The following MSX1 variants were observed in gnomAD, a reference collection of about 807,000 sequenced individuals.
The protein encoded by MSX1 is homeobox protein MSX-1.
A neutral mutation model predicts 17.0 loss-of-function variants in MSX1; 11 were observed. The ratio of observed to expected loss-of-function variants is 0.65; its 90% CI spans 0.41 to 1.07. MSX1 has a LOEUF of 1.07. Ranked by LOEUF, MSX1 falls within the 50% of genes least tolerant of loss-of-function variation. The pLI is 0.00. For missense variants in MSX1, 477 were observed against 440.1 expected (o/e 1.08, Z -0.75); for synonymous variants, 253 against 211.8 (o/e 1.19, Z -1.69).
chr4:4,860,508 T>C, intron 1 of MSX1, 140 bp downstream of exon 1: 1 of 1,066,494 alleles, frequency 9.4e-7, no homozygotes, highest in Non-Finnish European at 1.4e-6. Context: ...CAAGGCCGGG[T>C]CTTGCGCCTC....
intron 1 of MSX1, among the ~76,000 whole-genome samples, chr4:4,862,046 A>G (rs1737928947): frequency 6.6e-6 from 1 of 152,144 alleles, no homozygotes; most frequent in Non-Finnish European, 1.5e-5. Flanking sequence ...TCCAGATGAC[A>G]CTTTCTGTTT....
At chr4:4,861,705 A>T (rs188406751) in intron 1 of MSX1, among the ~76,000 whole-genome samples, 14 of 152,320 alleles carry the variant, frequency 9.2e-5, no homozygotes, top group Admixed American at 3.3e-4. Flanking sequence ...TCCACATTTT[A>T]TCCGGGGGCA....
rs104893854 is a variant in MSX1 at position 4,860,357 on chromosome 4, C to G, written c.458C>G (p.Pro153Arg). 6.2e-7 allele frequency: 1 copy of G among 1,603,698 alleles called. No individual in the cohort carries two copies. The highest frequency in any genetic ancestry group is 1.1e-5 in the South Asian group (1 of 90,930). ...TPWMQSPRFSPPPARRLSPPA... is the reference protein window; with the variant it reads ...TPWMQSPRFSRPPARRLSPPA... ...TGGATGCAGAGCCCCCGCTTCTCCC[C>G]GCCGCCGGCCAGTGAGTAGCCAGAA... The change falls in exon 1 of 2, where the codon CCG (proline) becomes CGG (arginine). Residue 153 changes from proline (P) to arginine (R), a missense_variant. Pro to Arg is a moderately radical substitution (Grantham distance 103, BLOSUM62 -2). This residue lies in a region of MSX1 where 355 missense variants were observed against 306.1 expected (regional missense o/e 1.16). Transcript: ENST00000382723.
rs1737863771 is a variant in MSX1, at chr4:4,859,852, G to A, written c.-48G>A. On this transcript the variant is annotated 5_prime_UTR_variant, in exon 1 of 2. It removes an upstream start codon present in the reference 5' UTR. Transcript: ENST00000382723. Reference sequence around the variant, plus strand: ...CGCTCCCAGCCCGCCCGGAGCCCATGCCCGGCGGCTGGCCAGTGCTGCGGC... The same window carrying A: ...CGCTCCCAGCCCGCCCGGAGCCCATACCCGGCGGCTGGCCAGTGCTGCGGC... The A allele has an allele frequency of 1.4e-6, 2 of 1,417,762 alleles. No individual in the cohort carries two copies. The highest frequency in any genetic ancestry group is 9.2e-7 in the Non-Finnish European group (1 of 1,082,054). 87.8% of individuals were successfully genotyped at this position (1,417,762 alleles called of 1,614,324 possible). A position where few individuals can be genotyped will look rare whatever the true frequency, so the allele number is the denominator to read the frequency against.
rs780361088 is a variant in MSX1, at chr4:4,862,873, G to A, written c.642G>A (p.Thr214=). The A allele has an allele frequency of 6.2e-7, 1 of 1,613,772 alleles. No individual in the cohort carries two copies. Among genetic ancestry groups the A allele is most frequent in the Non-Finnish European group, 8.5e-7 (1 of 1,180,036 alleles). ...EFSSSLSLTE[T]QVKIWFQNRR... ...CCAGCTCGCTCAGCCTCACTGAGAC[G>A]CAGGTGAAGATATGGTTCCAGAACC... Residue 214 remains threonine, a synonymous_variant, in exon 2 of 2, where the codon ACG becomes ACA. Transcript: ENST00000382723.
chr4:4,862,631 A>G (rs747162637), intron 1 of MSX1, 70 bp from the exon 2 acceptor site: 7 of 1,556,748 alleles, frequency 4.5e-6, no homozygotes, highest in Non-Finnish European at 5.3e-6. Context: ...TATTATTACT[A>G]CTTCTTGGGC....
Position 4,863,053 on chromosome 4 carries a change from C to T in MSX1, c.822C>T (p.Ala274=). ...CGGCGGGTGCCTCGCTCTACGGTGC[C>T]TCTGGCCCCTTCCAGCGCGCCGCGC... ...AAAAGASLYG[A]SGPFQRAALP... Residue 274 remains alanine, a synonymous_variant, in exon 2 of 2, where the codon GCC becomes GCT. Coordinates refer to ENST00000382723, the MANE Select transcript of MSX1 (RefSeq NM_002448.3). 1.2e-6 allele frequency: 2 copies of T among 1,609,158 alleles called. No individual in the cohort carries two copies. Among genetic ancestry groups the T allele is most frequent in the African/African-American group, 1.3e-5 (1 of 74,926 alleles).
Position 4,862,710 on chromosome 4 carries a change from GC to G in MSX1, c.485del (p.Pro162GlnfsTer55), listed in dbSNP as rs762477502. On this transcript the variant is annotated frameshift_variant, in exon 2 of 2. Coordinates refer to ENST00000382723, the MANE Select transcript of MSX1 (RefSeq NM_002448.3). LOFTEE classifies it high-confidence loss of function. ...TTCTTTCGGCCCTCAGGGCGGCTGA[GC>G]CCCCCAGCCTGCACCCTCCGCAAAC... ...RFSPPPARRL[S>X]PPACTLRKHK... 1 of 1,612,618 alleles carries G rather than the reference GC, an allele frequency of 6.2e-7. No individual in the cohort carries two copies. Among genetic ancestry groups the G allele is most frequent in the Non-Finnish European group, 8.5e-7 (1 of 1,179,986 alleles).
At position 4,863,222 on chromosome 4, in the gene MSX1, G is replaced by A. The variant is rs1015129002; in HGVS notation, c.*79G>A. 4.2e-6 allele frequency: 6 copies of A among 1,428,958 alleles called. No homozygotes were observed. The highest frequency in any genetic ancestry group is 4.0e-5 in the Admixed American group (2 of 50,282). 88.5% of individuals were successfully genotyped at this position (1,428,958 alleles called of 1,614,324 possible). ...GTACCCCCGACGTGCTCCCCTGCTCGGCACCGCCAGCCGCCTTCCCTTTAA... is the reference window on the plus strand; with the variant it reads ...GTACCCCCGACGTGCTCCCCTGCTCAGCACCGCCAGCCGCCTTCCCTTTAA... On this transcript the variant is annotated 3_prime_UTR_variant, in exon 2 of 2. Transcript: ENST00000382723.
rs1416790026 is a variant in MSX1 at position 4,863,008 on chromosome 4, C to T, written c.777C>T (p.Gly259=). 6.2e-7 allele frequency: 1 copy of T among 1,612,254 alleles called. No homozygotes were observed. The highest frequency in any genetic ancestry group is 1.7e-5 in the Admixed American group (1 of 59,974). The part of the protein sequence containing the change: ...AAFGLSFPLG[G]PAAVAAAAGA... ...TCGGCCTCTCCTTCCCTCTCGGCGG[C>T]CCCGCAGCTGTAGCGGCCGCGGCGG... Residue 259 remains glycine (G), a synonymous_variant, in exon 2 of 2, where the codon GGC becomes GGT. Transcript: ENST00000382723.
rs1345948750 is a variant in MSX1, at chr4:4,863,137, G to T, written c.906G>T (p.Leu302=). ...ATGTGGGCTACAGCATGTACCACCTGACATAGAGGGTCCCAGGTCGCCCAC... is the reference window on the plus strand; with the variant it reads ...ATGTGGGCTACAGCATGTACCACCTTACATAGAGGGTCCCAGGTCGCCCAC... ...TAHVGYSMYH[L]T Residue 302 remains leucine (L), a synonymous_variant, in exon 2 of 2, where the codon CTG becomes CTT. Transcript: ENST00000382723. The T allele has an allele frequency of 3.7e-6, 6 of 1,602,958 alleles. No homozygotes were observed. The East Asian group carries it at 1.3e-4, about 36-fold the overall frequency.
rs574541297 is a variant in MSX1 at position 4,859,820 on chromosome 4, C to T, written c.-80C>T. 348 of 1,272,000 alleles carry T rather than the reference C, an allele frequency of 2.7e-4. 1 individual carries two copies. The African/African-American group carries it at 5.2e-3, about 19-fold the overall frequency. The allele number at this position is 1,272,000 out of a possible 1,614,324, so 78.8% of individuals were successfully genotyped here. A position where few individuals can be genotyped will look rare whatever the true frequency, so the allele number is the denominator to read the frequency against. On this transcript the variant is annotated 5_prime_UTR_variant, in exon 1 of 2. Transcript: ENST00000382723. ...CCAGGGCCCCGGGCGCTCGCAGAGG[C>T]CGGCCGCGCTCCCAGCCCGCCCGGA...
At chr4:4,862,358 C>A (rs531306581) in intron 1 of MSX1, 2 of 472,842 alleles carry the variant, frequency 4.2e-6, no homozygotes, top group Middle Eastern at 3.1e-4. Flanking sequence ...GGAGGAGGCC[C>A]GCCATGAAGG....
chr4:4,862,562 C>T, intron 1 of MSX1, 139 bp from the exon 2 acceptor site: 1 of 1,004,366 alleles, frequency 1.0e-6, no homozygotes, highest in Non-Finnish European at 1.6e-6. Context: ...TTTCAAGTGC[C>T]TTGCGCGATG....
rs776537506 is a variant in MSX1 at position 4,860,313 on chromosome 4, G to A, written c.414G>A (p.Glu138=). 6.2e-7 allele frequency: 1 copy of A among 1,603,626 alleles called. No homozygotes were observed. The highest frequency in any genetic ancestry group is 1.1e-5 in the South Asian group (1 of 91,028). ...CGCTCGTCAAAGCCGAGAGCCCCGAGAAGCCCGAGAGGACCCCGTGGATGC... is the reference window on the plus strand; with the variant it reads ...CGCTCGTCAAAGCCGAGAGCCCCGAAAAGCCCGAGAGGACCCCGTGGATGC... ...EDALVKAESP[E]KPERTPWMQS... Residue 138 remains glutamate, a synonymous_variant, in exon 1 of 2, where the codon GAG becomes GAA. Transcript: ENST00000382723.
rs1737880531 is a variant in MSX1, at chr4:4,860,232, G to A, written c.333G>A (p.Ser111=). ...TGGGAGCCCCGGACGCGCCCTCTTCGCCGCGGCCGCTCGGCCATTTCTCGG... is the reference window on the plus strand; with the variant it reads ...TGGGAGCCCCGGACGCGCCCTCTTCACCGCGGCCGCTCGGCCATTTCTCGG... ...GSLGAPDAPS[S]PRPLGHFSVG... The change falls in exon 1 of 2, where the codon TCG becomes TCA. Residue 111 remains serine (S), a synonymous_variant. Transcript: ENST00000382723. 1 of 1,575,572 alleles carries A rather than the reference G, an allele frequency of 6.3e-7. No homozygotes were observed. Among genetic ancestry groups the A allele is most frequent in the African/African-American group, 1.4e-5 (1 of 73,016 alleles).
chr4:4,860,052 G>C lies in MSX1; in HGVS notation c.153G>C (p.Lys51Asn). The stretch of plus-strand genomic sequence containing the variant: ...TGGGCGCGGACGAGGAGGGGGCCAA[G>C]CCCAAAGTGTCCCCTTCGCTCCTGC... ...AAMGADEEGAKPKVSPSLLPF... is the reference protein window; with the variant it reads ...AAMGADEEGANPKVSPSLLPF... Residue 51 changes from lysine (K) to asparagine (N), a missense_variant, in exon 1 of 2, where the codon AAG (lysine) becomes AAC (asparagine). Lys to Asn is a moderately conservative substitution (Grantham distance 94). Transcript: ENST00000382723. 1 of 1,518,162 alleles carries C rather than the reference G, an allele frequency of 6.6e-7. No individual in the cohort carries two copies. The highest frequency in any genetic ancestry group is 8.8e-7 in the Non-Finnish European group (1 of 1,134,366). The allele number at this position is 1,518,162 out of a possible 1,614,324, so 94.0% of individuals were successfully genotyped here.
At position 4,859,886 on chromosome 4, in the gene MSX1, G is replaced by C. The variant is rs1737864782; in HGVS notation, c.-14G>C. On this transcript the variant is annotated 5_prime_UTR_variant, in exon 1 of 2. Transcript: ENST00000382723. ...CTGGCCAGTGCTGCGGCAGAAGGGGGGGCCCGGCTCTGCATGGCCCCGGCT... is the reference window on the plus strand; with the variant it reads ...CTGGCCAGTGCTGCGGCAGAAGGGGCGGCCCGGCTCTGCATGGCCCCGGCT... The C allele has an allele frequency of 1.4e-6, 2 of 1,477,848 alleles. No individual in the cohort carries two copies. Among genetic ancestry groups the C allele is most frequent in the Non-Finnish European group, 1.8e-6 (2 of 1,113,418 alleles). The allele number at this position is 1,477,848 out of a possible 1,614,324, so 91.5% of individuals were successfully genotyped here.
In MSX1 at chr4:4,863,801, A is replaced by G. The variant is rs981224337; in HGVS notation, c.*658A>G. 2.6e-5 allele frequency: 4 copies of G among 152,158 alleles called. No individual in the cohort carries two copies. Among genetic ancestry groups the G allele is most frequent in the African/African-American group, 9.7e-5 (4 of 41,340 alleles). The allele number at this position is 152,158 out of a possible 1,614,324, so 9.4% of individuals were successfully genotyped here. A position where few individuals can be genotyped will look rare whatever the true frequency, so the allele number is the denominator to read the frequency against. ...AAAAAAAAAACTCTTTCTATTTAAC[A>G]GTACATTTGTGTGGCTCTCAAACAT... On this transcript the variant is annotated 3_prime_UTR_variant, in exon 2 of 2. Transcript: ENST00000382723.
Sources: allele counts gnomAD v4.1 joint callset (sites outside exome capture counted in the v4.1 genomes callset), GRCh38; gene constraint gnomAD v4.1.1; regional missense constraint gnomAD v4.1.1; transcripts MANE v1.5; gene names NCBI Gene and HGNC (gene_info 2026-07-23, HGNC 2026-07-21).